Variants in SMURF1 observed in about 807,000 individuals in gnomAD.
SMURF1 encodes E3 ubiquitin-protein ligase SMURF1.
In SMURF1, 44 loss-of-function variants were observed where a neutral mutation model predicts 98.0. That is an observed-to-expected ratio of 0.45 (90% CI 0.35 to 0.58). The LOEUF is 0.58. Among genes scored for constraint, SMURF1 ranks in the 20% least tolerant of loss-of-function variants. The probability of loss-of-function intolerance (pLI) is 0.00; values close to 1 mark genes in which losing one functional copy is unlikely to be tolerated. For missense variants in SMURF1, 687 were observed against 938.4 expected (o/e 0.73, Z 3.50); for synonymous variants, 396 against 374.9 (o/e 1.06, Z -0.65).
chr7:99,084,862 G>C (rs1584160589), intron 1 of SMURF1, among the ~76,000 whole-genome samples: 2 of 152,316 alleles, frequency 1.3e-5, no homozygotes, highest in South Asian at 4.1e-4. Context: ...GGCCTGGTGA[G>C]AGGTGATTCG....
In SMURF1 at chr7:99,029,282, T is replaced by C. The variant is rs1794802428; in HGVS notation, c.*1302A>G. On this transcript the variant is annotated 3_prime_UTR_variant, in exon 18 of 18. Coordinates refer to ENST00000361368, the MANE Select transcript of SMURF1 (RefSeq NM_181349.3). Reference sequence around the variant, plus strand: ...AAACCACATAGGAACATTGGCCTGCTGTTTTCTGCCCAAGTTCAGCTATTG... The same window carrying C: ...AAACCACATAGGAACATTGGCCTGCCGTTTTCTGCCCAAGTTCAGCTATTG... 2 of 152,798 alleles carry C rather than the reference T, an allele frequency of 1.3e-5. No homozygotes were observed. Among genetic ancestry groups the C allele is most frequent in the South Asian group, 4.1e-4 (2 of 4,832 alleles). 9.5% of individuals were successfully genotyped at this position (152,798 alleles called of 1,614,324 possible).
rs544867774 is a variant in SMURF1, at chr7:99,052,965, G to C, written c.480-519C>G. 1.6e-4 allele frequency among the ~76,000 whole-genome samples: 25 copies of C among 152,300 alleles called. No individual in the cohort carries two copies. In the East Asian group the frequency reaches 4.4e-3, roughly 27 times the overall value. ...TGTGGTCCCAGCTACTCGGGAGGCT[G>C]AGAATTGCTTGAACCCAGGAGGCAG... is the stretch of plus-strand genomic sequence containing the variant. On this transcript the variant is annotated intron_variant, in intron 6 of 17. Coordinates refer to ENST00000361368, the MANE Select transcript of SMURF1 (RefSeq NM_181349.3).
chr7:99,137,392 G>A (rs768104879), intron 1 of SMURF1, among the ~76,000 whole-genome samples: 4 of 152,168 alleles, frequency 2.6e-5, no homozygotes, highest in Non-Finnish European at 4.4e-5. Context: ...CTTCATTGTG[G>A]TACTTGTGTG....
chr7:99,072,942 T>C (rs1301790268), intron 1 of SMURF1, among the ~76,000 whole-genome samples: 1 of 152,162 alleles, frequency 6.6e-6, no homozygotes, highest in Non-Finnish European at 1.5e-5. Context: ...TGATTGAGCA[T>C]AGAAGGAAAA....
At chr7:99,094,999 T>G (rs573370161) in intron 1 of SMURF1, among the ~76,000 whole-genome samples, 18 of 152,326 alleles carry the variant, frequency 1.2e-4, no homozygotes, top group African/African-American at 3.8e-4. Context: ...CTGTGTGCAC[T>G]GTCTCAACAT....
chr7:99,065,955 A>AG (rs1796179906), intron 1 of SMURF1, among the ~76,000 whole-genome samples: 2 of 151,946 alleles, frequency 1.3e-5, no homozygotes, highest in African/African-American at 4.8e-5. Flanking sequence ...TTGAGGCAGG[A>AG]GAATCGCTTG....
intron 1 of SMURF1, among the ~76,000 whole-genome samples, chr7:99,062,471 T>C (rs184579159): frequency 1.9e-4 from 29 of 151,924 alleles, no homozygotes; most frequent in African/African-American, 7.0e-4. Flanking sequence ...TGTTGGAAAA[T>C]AGTAAGCAAG....
At chr7:99,053,822 C>T (rs995563716) in intron 6 of SMURF1, among the ~76,000 whole-genome samples, 1 of 152,164 alleles carries the variant, frequency 6.6e-6, no homozygotes, top group Non-Finnish European at 1.5e-5. Flanking sequence ...TGACCAATGA[C>T]GGTTCGGCAG....
intron 1 of SMURF1, among the ~76,000 whole-genome samples, chr7:99,128,493 T>A (rs568163644): frequency 6.6e-6 from 1 of 152,368 alleles, no homozygotes; most frequent in African/African-American, 2.4e-5. Flanking sequence ...CAAGGCTATA[T>A]GCTATCCTTG....
Position 99,060,662 on chromosome 7 carries a change from T to G in SMURF1, c.140A>C (p.Gln47Pro). Residue 47 changes from glutamine to proline, a missense_variant, in exon 3 of 18, where the codon CAG becomes CCG. Gln to Pro is a moderately conservative substitution (Grantham distance 76). This residue lies in a region of SMURF1 where 415 missense variants were observed against 508.4 expected (regional missense o/e 0.82). Coordinates refer to ENST00000361368, the MANE Select transcript of SMURF1 (RefSeq NM_181349.3). ...FAKIVVDGSG[Q>P]CHSTDTVKNT... ...TTTCACAGTGTCGGTTGAGTGGCAC[T>G]GCCCAGACCCATCCACGACAATCTT... 4 of 1,614,042 alleles carry G rather than the reference T, an allele frequency of 2.5e-6. No homozygotes were observed. The highest frequency in any genetic ancestry group is 3.4e-6 in the Non-Finnish European group (4 of 1,179,964).
rs192404641 is a variant in SMURF1 at position 99,027,664 on chromosome 7, G to A, written c.*2920C>T. 1.2e-4 allele frequency: 18 copies of A among 152,718 alleles called. No homozygotes were observed. Among genetic ancestry groups the A allele is most frequent in the African/African-American group, 4.3e-4 (18 of 41,548 alleles). 9.5% of individuals were successfully genotyped at this position (152,718 alleles called of 1,614,324 possible). A position where few individuals can be genotyped will look rare whatever the true frequency, so the allele number is the denominator to read the frequency against. ...AGTGGGAAGGATAACAAGGATAGCA[G>A]CAATACTTCAAAACAAGACATTACA... On this transcript the variant is annotated 3_prime_UTR_variant, in exon 18 of 18. Coordinates refer to ENST00000361368, the MANE Select transcript of SMURF1 (RefSeq NM_181349.3).
chr7:99,095,142 C>T (rs1211121189), intron 1 of SMURF1, among the ~76,000 whole-genome samples: 6 of 152,118 alleles, frequency 3.9e-5, no homozygotes, highest in African/African-American at 9.7e-5. Context: ...TGCAATGGCG[C>T]GATCTCGGCT....
intron 1 of SMURF1, among the ~76,000 whole-genome samples, chr7:99,126,944 G>A (rs1797758596): frequency 7.1e-6 from 1 of 140,158 alleles, no homozygotes; most frequent in South Asian, 2.4e-4. Context: ...TCAACTACGT[G>A]TTCAGCATAG....
Position 99,049,729 on chromosome 7 carries a change from A to G in SMURF1, c.807-20T>C. On this transcript the variant is annotated intron_variant, in intron 8 of 17. Coordinates refer to ENST00000361368, the MANE Select transcript of SMURF1 (RefSeq NM_181349.3). ...AGGTCTCTACCAAAATGGAAGATAC[A>G]GAGAGGTTTGTCCAACTGAGTATGG... is the stretch of plus-strand genomic sequence containing the variant. The G allele has an allele frequency of 6.2e-7, 1 of 1,609,574 alleles. No homozygotes were observed. The highest frequency in any genetic ancestry group is 8.5e-7 in the Non-Finnish European group (1 of 1,178,672).
intron 1 of SMURF1, among the ~76,000 whole-genome samples, chr7:99,101,414 T>C (rs563509245): frequency 2.0e-5 from 3 of 152,346 alleles, no homozygotes; most frequent in South Asian, 2.1e-4. Context: ...TCATGTAACA[T>C]GCAGTTTCTA....
intron 1 of SMURF1, among the ~76,000 whole-genome samples, chr7:99,073,479 AATC>A (rs1421889267): frequency 1.3e-5 from 2 of 151,140 alleles, no homozygotes; most frequent in Non-Finnish European, 3.0e-5. Context: ...AAAAAAAAAA[AATC>A]AACCAGACAC....
chr7:99,084,634 C>T (rs1584160303), intron 1 of SMURF1, among the ~76,000 whole-genome samples: 2 of 152,146 alleles, frequency 1.3e-5, no homozygotes, highest in Non-Finnish European at 2.9e-5. Context: ...CCACCCACCT[C>T]GGCCTCCCAA....
At position 99,060,652 on chromosome 7, in the gene SMURF1, T is replaced by C. The variant is rs1287592885; in HGVS notation, c.150A>G (p.Ser50=). 1 of 1,614,056 alleles carries C rather than the reference T, an allele frequency of 6.2e-7. No homozygotes were observed. Among genetic ancestry groups the C allele is most frequent in the African/African-American group, 1.3e-5 (1 of 75,018 alleles). ...IVVDGSGQCH[S]TDTVKNTLDP... The stretch of plus-strand genomic sequence containing the variant: ...CCAATGTGTTTTTCACAGTGTCGGT[T>C]GAGTGGCACTGCCCAGACCCATCCA... The change falls in exon 3 of 18, where the codon TCA becomes TCG. Residue 50 remains serine, a synonymous_variant. Coordinates refer to ENST00000361368, the MANE Select transcript of SMURF1 (RefSeq NM_181349.3).
At chr7:99,138,966 G>A (rs769122189) in intron 1 of SMURF1, among the ~76,000 whole-genome samples, 4 of 152,194 alleles carry the variant, frequency 2.6e-5, no homozygotes, top group South Asian at 2.1e-4. Context: ...TAAGGAAAAT[G>A]TAAATGCAAA....
Sources: gnomAD v4.1 joint callset for allele counts (sites outside exome capture counted in the v4.1 genomes callset) on GRCh38, gnomAD v4.1.1 for gene constraint, gnomAD v4.1.1 regional missense constraint, MANE v1.5 for transcripts, NCBI Gene and HGNC (gene_info 2026-07-23, HGNC 2026-07-21) for gene names.